GOLGB1: variants seen among roughly 807,000 people sequenced by gnomAD.
GOLGB1 encodes the protein golgin B1, also known as golgin subfamily B member 1.
Under a neutral mutation model 336.9 loss-of-function variants are expected in GOLGB1, and 174 were observed. The ratio of observed to expected loss-of-function variants is 0.52; its 90% CI spans 0.46 to 0.59. GOLGB1 has a LOEUF of 0.59. Among genes scored for constraint, GOLGB1 ranks in the 20% least tolerant of loss-of-function variants. The pLI, the probability that GOLGB1 is intolerant of heterozygous loss-of-function variation, is 0.00. For missense variants in GOLGB1, 3,331 were observed against 3,645.3 expected (o/e 0.91, Z 2.22); for synonymous variants, 1,208 against 1,289.2 (o/e 0.94, Z 1.35).
Position 121,692,233 on chromosome 3 carries a change from C to G in GOLGB1, c.7131G>C (p.Arg2377Ser). Reference sequence around the variant, plus strand: ...CTTTCATATTTATTTCTTCATGCAGCCTACTGGTCAGTTCTCTGGAGGCCT... The same window carrying G: ...CTTTCATATTTATTTCTTCATGCAGGCTACTGGTCAGTTCTCTGGAGGCCT... ...DLQASRELTS[R>S]LHEEINMKEQ... Residue 2377 changes from arginine (R) to serine (S), a missense_variant, in exon 14 of 22, where the codon AGG becomes AGC. Coordinates refer to ENST00000614479, the MANE Select transcript of GOLGB1 (RefSeq NM_001366282.2). 6.3e-7 allele frequency: 1 copy of G among 1,597,706 alleles called. No individual in the cohort carries two copies.
At chr3:121,705,784 T>C (rs1162766958) in intron 10 of GOLGB1, among the ~76,000 whole-genome samples, 1 of 152,158 alleles carries the variant, frequency 6.6e-6, no homozygotes, top group South Asian at 2.1e-4. Context: ...CTGAAGAGAT[T>C]AAAGAATAGC....
At chr3:121,745,482 A>G (rs1367748171) in intron 1 of GOLGB1, among the ~76,000 whole-genome samples, 4 of 146,644 alleles carry the variant, frequency 2.7e-5, no homozygotes, top group African/African-American at 7.6e-5. Flanking sequence ...GTACACGTGT[A>G]TGTATATATA....
intron 16 of GOLGB1, 56 bp downstream of exon 16, chr3:121,677,228 AT>A (rs1376248999): frequency 1.4e-6 from 2 of 1,386,708 alleles, no homozygotes; most frequent in African/African-American, 2.9e-5. Flanking sequence ...CCCTGCAATC[AT>A]CATCATTTGT....
chr3:121,701,796 T>C (rs1404794621), intron 11 of GOLGB1, among the ~76,000 whole-genome samples: 1 of 152,124 alleles, frequency 6.6e-6, no homozygotes, highest in East Asian at 1.9e-4. Flanking sequence ...CCCCTGCCCT[T>C]GAAGAGCTTA....
rs751816323 is a variant in GOLGB1, at chr3:121,697,102, C to T, written c.3421G>A (p.Asp1141Asn). The part of the protein sequence containing the change: ...ITSNTDASDG[D>N]SVALVKETVV... The stretch of plus-strand genomic sequence containing the variant: ...GTTTCCTTTACAAGTGCTACGGAGT[C>T]CCCATCACTTGCATCCGTGTTACTT... The change falls in exon 13 of 22, where the codon GAC (aspartate) becomes AAC (asparagine). Residue 1141 changes from aspartate (D) to asparagine (N), a missense_variant. Transcript: ENST00000614479. 3.0e-5 allele frequency: 48 copies of T among 1,613,924 alleles called. No homozygotes were observed. The highest frequency in any genetic ancestry group is 1.6e-4 in the Middle Eastern group (1 of 6,084).
At position 121,694,931 on chromosome 3, in the gene GOLGB1, G is replaced by C. The variant is rs762668911; in HGVS notation, c.5592C>G (p.Asn1864Lys). ...TTTCTAAAGTCTGGCTAAATTCCTT[G>C]TTTTTCTGCTTCTCCTCCTCTAATC... ...IAGLEEEKQK[N>K]KEFSQTLENE... The change falls in exon 13 of 22, where the codon AAC becomes AAG. Residue 1864 changes from asparagine (N) to lysine (K), a missense_variant. Coordinates refer to ENST00000614479, the MANE Select transcript of GOLGB1 (RefSeq NM_001366282.2). The C allele has an allele frequency of 1.9e-6, 3 of 1,613,988 alleles. No homozygotes were observed. The Admixed American group carries it at 5.0e-5, about 27-fold the overall frequency.
intron 10 of GOLGB1, among the ~76,000 whole-genome samples, chr3:121,706,757 A>AAC (rs1553874223): frequency 6.7e-6 from 1 of 149,398 alleles, no homozygotes; most frequent in Non-Finnish European, 1.5e-5. Context: ...AAAAAAAAAA[A>AAC]AACCAACAAA....
At chr3:121,701,689 C>T (rs938647279) in intron 11 of GOLGB1, among the ~76,000 whole-genome samples, 9 of 152,018 alleles carry the variant, frequency 5.9e-5, no homozygotes, top group Admixed American at 5.2e-4. Context: ...GGATAAAATG[C>T]TAAGTTCAGT....
chr3:121,669,110 C>G, intron 18 of GOLGB1, 102 bp downstream of exon 18: 2 of 1,140,562 alleles, frequency 1.8e-6, no homozygotes, highest in Non-Finnish European at 2.5e-6. Context: ...TCTTCCCTGA[C>G]CCCTAATTAC....
intron 20 of GOLGB1, among the ~76,000 whole-genome samples, chr3:121,666,404 G>A (rs1452867671): frequency 6.6e-6 from 1 of 152,066 alleles, no homozygotes; most frequent in African/African-American, 2.4e-5. Context: ...CCTCCCCATT[G>A]GCCAGGTTTC....
chr3:121,676,814 C>T, intron 17 of GOLGB1, 79 bp downstream of exon 17: 1 of 1,239,984 alleles, frequency 8.1e-7, no homozygotes, highest in Admixed American at 1.7e-5. Flanking sequence ...GGACTCTATG[C>T]TGAATTGGCT....
chr3:121,725,886 C>G (rs1945550760), intron 5 of GOLGB1, among the ~76,000 whole-genome samples: 1 of 151,990 alleles, frequency 6.6e-6, no homozygotes, highest in African/African-American at 2.4e-5. Flanking sequence ...CTTGCGCTGC[C>G]TTGCGACACC....
chr3:121,676,240 C>T (rs971908816), intron 17 of GOLGB1, among the ~76,000 whole-genome samples: 1 of 152,224 alleles, frequency 6.6e-6, no homozygotes, highest in African/African-American at 2.4e-5. Flanking sequence ...CCTAACACCT[C>T]AGGCAAGTTA....
chr3:121,700,007 G>A, intron 11 of GOLGB1, 122 bp from the exon 12 acceptor site: 1 of 603,892 alleles, frequency 1.7e-6, no homozygotes, highest in Non-Finnish European at 2.9e-6. Context: ...AAAATAGCTT[G>A]GGAGAGGTGA....
In GOLGB1 at chr3:121,696,740, C is replaced by T. The variant is rs780570638; in HGVS notation, c.3783G>A (p.Ser1261=). Residue 1261 remains serine (S), a synonymous_variant, in exon 13 of 22, where the codon TCG becomes TCA. Coordinates refer to ENST00000614479, the MANE Select transcript of GOLGB1 (RefSeq NM_001366282.2). The stretch of plus-strand genomic sequence containing the variant: ...CTTCTAAACCTGGAGTGGAAGAACA[C>T]GATTCCTGCTGGTCTGTGCTTGGGA... ...GKLPSTDQQE[S]CSSTPGLEEP... is the part of the protein sequence containing the mutation. 14 of 1,613,924 alleles carry T rather than the reference C, an allele frequency of 8.7e-6. No individual in the cohort carries two copies. In the African/African-American group the frequency reaches 9.3e-5, roughly 11 times the overall value.
intron 10 of GOLGB1, among the ~76,000 whole-genome samples, chr3:121,709,016 T>C (rs1038844429): frequency 2.6e-5 from 4 of 152,132 alleles, no homozygotes; most frequent in Admixed American, 1.3e-4. Context: ...GAAAAGAATA[T>C]ACCATTCAAG....
intron 1 of GOLGB1, among the ~76,000 whole-genome samples, chr3:121,746,967 C>T (rs1947333516): frequency 6.6e-6 from 1 of 151,172 alleles, no homozygotes; most frequent in South Asian, 2.1e-4. Context: ...ATCCAATATT[C>T]TTTACTCGGG....
intron 1 of GOLGB1, among the ~76,000 whole-genome samples, chr3:121,736,195 A>C (rs766284766): frequency 6.6e-6 from 1 of 152,238 alleles, no homozygotes; most frequent in Non-Finnish European, 1.5e-5. Context: ...ATTTATGTAG[A>C]TACGTCCCCC....
Position 121,697,759 on chromosome 3 carries a change from G to T in GOLGB1, c.2764C>A (p.Leu922Ile). The change falls in exon 13 of 22, where the codon CTT becomes ATT. Residue 922 changes from leucine to isoleucine, a missense_variant. Coordinates refer to ENST00000614479, the MANE Select transcript of GOLGB1 (RefSeq NM_001366282.2). The part of the protein sequence containing the change: ...SFSMTEKMVQ[L>I]NEEKFSLGVE... The stretch of plus-strand genomic sequence containing the variant: ...CCAAGAGAAAACTTCTCTTCATTAA[G>T]CTGAACCATTTTCTCAGTCATACTA... The T allele has an allele frequency of 6.2e-7, 1 of 1,613,918 alleles. No homozygotes were observed. Among genetic ancestry groups the T allele is most frequent in the South Asian group, 1.1e-5 (1 of 91,078 alleles).
Sources: gnomAD v4.1 joint callset for allele counts (sites outside exome capture counted in the v4.1 genomes callset) on GRCh38, gnomAD v4.1.1 for gene constraint, MANE v1.5 for transcripts, NCBI Gene and HGNC (gene_info 2026-07-23, HGNC 2026-07-21) for gene names.